Variants in CYP4F8 observed in about 807,000 individuals in gnomAD.
CYP4F8 encodes cytochrome P450 family 4 subfamily F member 8.
In CYP4F8, 56 loss-of-function variants were observed where a neutral mutation model predicts 55.0. That is an observed-to-expected ratio of 1.02 (90% CI 0.82 to 1.27). CYP4F8 has a LOEUF of 1.27. CYP4F8 is among the 50% of genes most tolerant of loss of function. CYP4F8 has a pLI of 0.00. For synonymous variants in CYP4F8, 288 were observed against 267.3 expected, an observed-to-expected ratio of 1.08 and a Z score of -0.76; for missense variants, 680 against 682.4, an observed-to-expected ratio of 1.00 and a Z score of 0.04.
intron 2 of CYP4F8, among the ~76,000 whole-genome samples, chr19:15,616,042 G>C (rs36190528): frequency 0.65 from 48,289 of 74,520 alleles, 15,462 homozygotes; most frequent in Non-Finnish European, 0.69. Flanking sequence ...ATTCCTCTGC[G>C]CACTCACTCA....
intron 8 of CYP4F8, 54 bp from the exon 9 acceptor site, chr19:15,623,911 C>A (rs376304634): frequency 1.2e-6 from 2 of 1,606,014 alleles, no homozygotes; most frequent in Non-Finnish European, 8.5e-7. Flanking sequence ...GCGCTGTCCA[C>A]CCTCTGGGTG....
chr19:15,623,032 T>C (rs1972213920), intron 6 of CYP4F8, 73 bp from the exon 7 acceptor site: 8 of 1,518,822 alleles, frequency 5.3e-6, no homozygotes, highest in Middle Eastern at 1.9e-4. Context: ...GGTCCTGGGA[T>C]TCTGGCTGGA....
At chr19:15,623,462 G>A (rs1414701920) in intron 7 of CYP4F8, 87 bp downstream of exon 7, 3 of 1,558,386 alleles carry the variant, frequency 1.9e-6, no homozygotes, top group African/African-American at 2.7e-5. Flanking sequence ...GATACAGAGG[G>A]CACTAAGGAG....
At chr19:15,629,119 G>A (rs1972301984) in intron 12 of CYP4F8, 74 bp from the exon 13 acceptor site, 22 of 1,497,672 alleles carry the variant, frequency 1.5e-5, no homozygotes, top group Non-Finnish European at 2.0e-5. Flanking sequence ...TGGGGGTTCC[G>A]GGCCTGGTTC....
chr19:15,616,250 C>CCTCGCTCACTCATTCCTCTT (rs1568380977), intron 2 of CYP4F8, among the ~76,000 whole-genome samples: 117 of 144,940 alleles, frequency 8.1e-4, no homozygotes, highest in African/African-American at 2.8e-3. Context: ...TCATTCCTCT[C>CCTCGCTCACTCATTCCTCTT]CTCGCTCACT....
Position 15,623,073 on chromosome 19 carries a change from A to T in CYP4F8, c.648-32A>T, listed in dbSNP as rs920736144. ...CTCCCAGGCTTTCATGTGGGTAAGG[A>T]GCTGCTTCCTCTCTCTGGACTGGCC... On this transcript the variant is annotated intron_variant, in intron 6 of 12. Coordinates refer to ENST00000612078, the MANE Select transcript of CYP4F8 (RefSeq NM_007253.4). The T allele has an allele frequency of 9.4e-6, 15 of 1,599,034 alleles. 1 individual carries two copies. The African/African-American group carries it at 1.2e-4, about 13-fold the overall frequency.
At position 15,622,134 on chromosome 19, in the gene CYP4F8, G is replaced by A. The variant is rs574924145; in HGVS notation, c.526-85G>A. 51 of 1,514,338 alleles carry A rather than the reference G, an allele frequency of 3.4e-5. 1 individual carries two copies. The South Asian group carries it at 5.8e-4, about 17-fold the overall frequency. The allele number at this position is 1,514,338 out of a possible 1,614,324, so 93.8% of individuals were successfully genotyped here. ...ACAGAAAACCAGGAGCATGCCTCTGGGGGAGTCCATCCTGGTGGTTGGGGT... is the reference window on the plus strand; with the variant it reads ...ACAGAAAACCAGGAGCATGCCTCTGAGGGAGTCCATCCTGGTGGTTGGGGT... On this transcript the variant is annotated intron_variant, in intron 5 of 12. Transcript: ENST00000612078.
chr19:15,625,760 C>G (rs776499268), intron 9 of CYP4F8, among the ~76,000 whole-genome samples: 1 of 151,956 alleles, frequency 6.6e-6, no homozygotes, highest in South Asian at 2.1e-4. Flanking sequence ...TTTGAGTTAA[C>G]GATGCTCTTC....
At position 15,620,707 on chromosome 19, in the gene CYP4F8, A is replaced by G. The variant is rs1229539706; in HGVS notation, c.525+945A>G. 3.9e-5 allele frequency among the ~76,000 whole-genome samples: 6 copies of G among 152,206 alleles called. No homozygotes were observed. In the South Asian group the frequency reaches 1.0e-3, roughly 26 times the overall value. Reference sequence around the variant, plus strand: ...GCACCCAGTCAACTTCTCACTAGTTATGGCCTTATCATTTTCACCACATTC... The same window carrying G: ...GCACCCAGTCAACTTCTCACTAGTTGTGGCCTTATCATTTTCACCACATTC... On this transcript the variant is annotated intron_variant, in intron 5 of 12. Transcript: ENST00000612078.
chr19:15,619,348 T>G, intron 3 of CYP4F8, 142 bp from the exon 4 acceptor site: 1 of 937,342 alleles, frequency 1.1e-6, no homozygotes, highest in East Asian at 2.6e-5. Flanking sequence ...CACCCTCCTT[T>G]CTTCTTCTGC....
rs771359507 is a variant in CYP4F8, at chr19:15,628,337, G to C, written c.1151G>C (p.Cys384Ser). The C allele has an allele frequency of 3.7e-6, 6 of 1,614,060 alleles. No individual in the cohort carries two copies. Among genetic ancestry groups the C allele is most frequent in the South Asian group, 2.2e-5 (2 of 91,078 alleles). ...GCCCAGTTGCCCTTCCTGACCATGT[G>C]CCTGAAGGAGAGCCTGCGGTTGCAT... ...DLAQLPFLTM[C>S]LKESLRLHPP... is the part of the protein sequence containing the mutation. The change falls in exon 10 of 13, where the codon TGC (cysteine) becomes TCC (serine). Residue 384 changes from cysteine to serine, a missense_variant. Transcript: ENST00000612078.
Position 15,629,250 on chromosome 19 carries a change from G to T in CYP4F8, c.1455G>T (p.Thr485=). The T allele has an allele frequency of 1.2e-6, 2 of 1,613,354 alleles. No individual in the cohort carries two copies. Among genetic ancestry groups the T allele is most frequent in the Non-Finnish European group, 1.7e-6 (2 of 1,179,708 alleles). The change falls in exon 13 of 13, where the codon ACG becomes ACT. Residue 485 remains threonine, a synonymous_variant. Transcript: ENST00000612078. ...MAEMKVVLAL[T]LLRFRILPDH... is the part of the protein sequence containing the mutation. Reference sequence around the variant, plus strand: ...AGATGAAGGTGGTCCTGGCGCTCACGCTGCTGCGCTTCCGCATCCTGCCCG... The same window carrying T: ...AGATGAAGGTGGTCCTGGCGCTCACTCTGCTGCGCTTCCGCATCCTGCCCG...
chr19:15,619,726 T>C lies in CYP4F8; in HGVS notation c.489T>C (p.Tyr163=). 1 of 1,614,004 alleles carries C rather than the reference T, an allele frequency of 6.2e-7. No individual in the cohort carries two copies. The highest frequency in any genetic ancestry group is 8.5e-7 in the Non-Finnish European group (1 of 1,179,942). The change falls in exon 5 of 13, where the codon TAT becomes TAC. Residue 163 remains tyrosine (Y), a synonymous_variant. Coordinates refer to ENST00000612078, the MANE Select transcript of CYP4F8 (RefSeq NM_007253.4). ...TCCATTTCAACATCCTGAAGCCCTA[T>C]ATAAAGATTTTCAGCAAGAGTGCAA... ...PAFHFNILKP[Y]IKIFSKSANI...
rs368506749 is a variant in CYP4F8 at position 15,629,189 on chromosome 19, C to G, written c.1398-4C>G. ...GCAGTCAGACCTTCCACCTTGGCCC[C>G]CAGGAACTGCATCGGGCAGAAGTTC... is the stretch of plus-strand genomic sequence containing the variant. On this transcript the variant is annotated splice_polypyrimidine_tract_variant and splice_region_variant and intron_variant, in intron 12 of 12. Transcript: ENST00000612078. 4.3e-4 allele frequency: 690 copies of G among 1,602,084 alleles called. 1 individual carries two copies. The highest frequency in any genetic ancestry group is 5.6e-4 in the Non-Finnish European group (655 of 1,174,436).
chr19:15,626,543 G>T (rs1013048217), intron 9 of CYP4F8, among the ~76,000 whole-genome samples: 1 of 152,064 alleles, frequency 6.6e-6, no homozygotes, highest in Non-Finnish European at 1.5e-5. Flanking sequence ...TTTCACTTGG[G>T]TTACCTGTTC....
At chr19:15,626,605 ATATCTATCTATCTATC>A (rs57706048) in intron 9 of CYP4F8, among the ~76,000 whole-genome samples, 7 of 146,836 alleles carry the variant, frequency 4.8e-5, no homozygotes, top group Non-Finnish European at 9.0e-5. Flanking sequence ...ATTGTTCTGG[ATATCTATCTATCTATC>A]TATCTATCTA....
At chr19:15,616,216 TCACTCATTCCTCTCCTCACC>T (rs1190648642) in intron 2 of CYP4F8, among the ~76,000 whole-genome samples, 4 of 113,602 alleles carry the variant, frequency 3.5e-5, no homozygotes, top group Admixed American at 2.0e-4. Flanking sequence ...CTCTCCTCAC[TCACTCATTCCTCTCCTCACC>T]CACTCATTCC....
chr19:15,626,092 C>T (rs1259652881), intron 9 of CYP4F8, among the ~76,000 whole-genome samples: 1 of 152,204 alleles, frequency 6.6e-6, no homozygotes, highest in African/African-American at 2.4e-5. Context: ...CATTTATTCT[C>T]TTGCTTTTAG....
intron 5 of CYP4F8, among the ~76,000 whole-genome samples, chr19:15,621,385 G>T (rs573768403): frequency 1.3e-5 from 2 of 152,260 alleles, no homozygotes; most frequent in African/African-American, 4.8e-5. Context: ...AATTAGCAGG[G>T]CGTGGTGGTG....
Sources: allele counts gnomAD v4.1 joint callset (sites outside exome capture counted in the v4.1 genomes callset), GRCh38; gene constraint gnomAD v4.1.1; transcripts MANE v1.5; gene names NCBI Gene and HGNC (gene_info 2026-07-23, HGNC 2026-07-21).